STAB2: variants seen among roughly 807,000 people sequenced by gnomAD.
STAB2 encodes the protein stabilin-2.
STAB2 carries 288 observed loss-of-function variants against 338.1 expected under a neutral mutation model. That is an observed-to-expected ratio of 0.85 (90% confidence interval 0.77 to 0.94). STAB2 has a LOEUF of 0.94. STAB2 is among the 40% of genes least tolerant of loss of function. The pLI is 0.00. For synonymous variants in STAB2, 1,202 were observed against 1,193.3 expected, an observed-to-expected ratio of 1.01 and a Z score of -0.15; for missense variants, 3,141 against 3,210.1, an observed-to-expected ratio of 0.98 and a Z score of 0.52.
chr12:103,703,323 CT>C (rs749117687), intron 35 of STAB2, 47 bp downstream of exon 35: 39 of 1,589,456 alleles, frequency 2.5e-5, no homozygotes, highest in Middle Eastern at 1.7e-4. Context: ...TGAATATTGG[CT>C]TTTTTTTATA....
At chr12:103,715,761 C>T in intron 42 of STAB2, 54 bp from the exon 43 acceptor site, 1 of 1,609,382 alleles carries the variant, frequency 6.2e-7, no homozygotes, top group Admixed American at 1.7e-5. Flanking sequence ...AAGCTGGCTT[C>T]ACTTGGAAAC....
At chr12:103,743,273 C>G (rs748407805) in intron 56 of STAB2, among the ~76,000 whole-genome samples, 11 of 152,110 alleles carry the variant, frequency 7.2e-5, no homozygotes, top group Non-Finnish European at 1.5e-4. Flanking sequence ...CCACCCGCCT[C>G]AGCCTCCCAA....
chr12:103,635,334 AAT>A (rs747275128), intron 6 of STAB2, among the ~76,000 whole-genome samples: 6 of 152,218 alleles, frequency 3.9e-5, no homozygotes, highest in Non-Finnish European at 7.3e-5. Context: ...AAGCCTTATC[AAT>A]GAAGAGTGCC....
intron 19 of STAB2, 87 bp from the exon 20 acceptor site, chr12:103,668,556 C>T: frequency 8.3e-7 from 1 of 1,205,768 alleles, no homozygotes. Flanking sequence ...AATGGAAGTA[C>T]AATGGCAAGT....
intron 3 of STAB2, among the ~76,000 whole-genome samples, chr12:103,597,180 A>G (rs1366704014): frequency 6.6e-6 from 1 of 152,130 alleles, no homozygotes; most frequent in Admixed American, 6.6e-5. Context: ...GGAAAAAGAT[A>G]AAACCTCTAC....
intron 47 of STAB2, among the ~76,000 whole-genome samples, chr12:103,727,593 G>A (rs1881312793): frequency 6.6e-6 from 1 of 152,226 alleles, no homozygotes; most frequent in South Asian, 2.1e-4. Flanking sequence ...AAAGTATGAG[G>A]TTGGAGAAGA....
At chr12:103,595,661 A>T (rs1325958629) in intron 3 of STAB2, among the ~76,000 whole-genome samples, 1 of 152,220 alleles carries the variant, frequency 6.6e-6, no homozygotes, top group African/African-American at 2.4e-5. Flanking sequence ...ATATTACCAG[A>T]TGTAATTTTT....
chr12:103,627,934 T>C (rs1181826972), intron 5 of STAB2, among the ~76,000 whole-genome samples: 1 of 152,162 alleles, frequency 6.6e-6, no homozygotes, highest in African/African-American at 2.4e-5. Flanking sequence ...ATTACTGACA[T>C]GTTGTATACC....
At chr12:103,682,232 T>C (rs1285700732) in intron 25 of STAB2, among the ~76,000 whole-genome samples, 1 of 152,062 alleles carries the variant, frequency 6.6e-6, no homozygotes, top group Non-Finnish European at 1.5e-5. Flanking sequence ...AAACCCAGGA[T>C]TCATTCTCTT....
At chr12:103,748,605 TACACACACACACACACACACACAC>T (rs71097994) in intron 58 of STAB2, among the ~76,000 whole-genome samples, 236 of 141,812 alleles carry the variant, frequency 1.7e-3, no homozygotes, top group Middle Eastern at 3.5e-3. Context: ...CACACACACA[TACACACACACACACACACACACAC>T]ACACACACAC....
chr12:103,709,322 G>A (rs1373033773), intron 39 of STAB2, among the ~76,000 whole-genome samples: 4 of 152,224 alleles, frequency 2.6e-5, no homozygotes, highest in African/African-American at 4.8e-5. Context: ...GGGTTGATGA[G>A]AAAAGGCAGG....
intron 5 of STAB2, among the ~76,000 whole-genome samples, chr12:103,629,506 CAAAG>C (rs1212178348): frequency 6.6e-6 from 1 of 152,198 alleles, no homozygotes; most frequent in African/African-American, 2.4e-5. Context: ...GGACACGGAA[CAAAG>C]AAAGTGCTGC....
chr12:103,641,014 A>G (rs1249100037), intron 9 of STAB2, among the ~76,000 whole-genome samples: 1 of 152,186 alleles, frequency 6.6e-6, no homozygotes, highest in African/African-American at 2.4e-5. Flanking sequence ...CAAGTCTTTG[A>G]CTCGCAGACT....
chr12:103,747,346 T>G lies in STAB2; in HGVS notation c.6244+642T>G, dbSNP rs76939293. Among the ~76,000 whole-genome samples, 30 of 152,274 alleles carry G rather than the reference T, an allele frequency of 2.0e-4. No homozygotes were observed. The East Asian group carries it at 5.6e-3, about 28-fold the overall frequency. On this transcript the variant is annotated intron_variant, in intron 58 of 68. Transcript: ENST00000388887. ...AATAAGGCAGATGTTTCCTATTGTC[T>G]CATATAACAGGTTGGAAGTATTCAG...
chr12:103,721,709 G>A (rs562030927), intron 44 of STAB2, among the ~76,000 whole-genome samples: 2 of 152,326 alleles, frequency 1.3e-5, no homozygotes, highest in South Asian at 2.1e-4. Context: ...GCTTGGGCCA[G>A]GTGGACATAG....
At chr12:103,762,250 C>T (rs781366004) in intron 66 of STAB2, 24 bp from the exon 67 acceptor site, 3 of 1,612,276 alleles carry the variant, frequency 1.9e-6, no homozygotes, top group Non-Finnish European at 2.5e-6. Context: ...TAAGAATGGG[C>T]CCCTTTCCTT....
At chr12:103,692,483 A>G (rs1189786935) in intron 30 of STAB2, among the ~76,000 whole-genome samples, 1 of 152,224 alleles carries the variant, frequency 6.6e-6, no homozygotes, top group Non-Finnish European at 1.5e-5. Flanking sequence ...ACTTTTGTCA[A>G]TGAAATAGCA....
chr12:103,720,488 C>G (rs1880678179), intron 44 of STAB2, among the ~76,000 whole-genome samples: 1 of 152,168 alleles, frequency 6.6e-6, no homozygotes, highest in South Asian at 2.1e-4. Context: ...TGACGGTACT[C>G]CTGACATTTT....
intron 3 of STAB2, among the ~76,000 whole-genome samples, chr12:103,601,063 G>A (rs1956946834): frequency 2.6e-5 from 4 of 152,224 alleles, no homozygotes; most frequent in African/African-American, 7.2e-5. Flanking sequence ...ACAAGCCAGA[G>A]CTGAATGGGA....
Sources: gnomAD v4.1 joint callset for allele counts (sites outside exome capture counted in the v4.1 genomes callset) on GRCh38, gnomAD v4.1.1 for gene constraint, MANE v1.5 for transcripts, NCBI Gene and HGNC (gene_info 2026-07-23, HGNC 2026-07-21) for gene names.